AXDND1: variants seen among roughly 807,000 people sequenced by gnomAD.
The protein encoded by AXDND1 is axonemal dynein light chain domain containing 1.
In AXDND1, 110 loss-of-function variants were observed where a neutral mutation model predicts 137.5. The ratio of observed to expected loss-of-function variants is 0.80; its 90% confidence interval spans 0.69 to 0.94. The LOEUF is 0.94. Among genes scored for constraint, AXDND1 ranks in the 40% least tolerant of loss-of-function variants. The pLI is 0.00. For missense variants in AXDND1, 1,191 were observed against 1,169.8 expected (o/e 1.02, Z -0.26); for synonymous variants, 414 against 399.7 (o/e 1.04, Z -0.43).
chr1:179,480,910 T>C (rs1196920730), intron 17 of AXDND1, among the ~76,000 whole-genome samples: 3 of 135,992 alleles, frequency 2.2e-5, no homozygotes, highest in African/African-American at 7.9e-5. Flanking sequence ...CTTTTTTGTT[T>C]GTTTGTTTTT....
chr1:179,445,564 A>G (rs1395638683), intron 16 of AXDND1, among the ~76,000 whole-genome samples: 1 of 152,082 alleles, frequency 6.6e-6, no homozygotes, highest in African/African-American at 2.4e-5. Flanking sequence ...TTCTGTCTCT[A>G]TAGATTTCCC....
intron 21 of AXDND1, among the ~76,000 whole-genome samples, chr1:179,510,659 CA>C (rs1338307405): frequency 6.6e-6 from 1 of 152,062 alleles, no homozygotes; most frequent in African/African-American, 2.4e-5. Context: ...AGGAAAAAAT[CA>C]AGGAACTGTA....
chr1:179,391,451 G>T (rs1650187245), intron 9 of AXDND1, among the ~76,000 whole-genome samples: 1 of 151,820 alleles, frequency 6.6e-6, no homozygotes, highest in African/African-American at 2.4e-5. Flanking sequence ...GAGTCATGAG[G>T]GCCGTTTCCC....
At chr1:179,410,765 A>T (rs1653747596) in intron 11 of AXDND1, among the ~76,000 whole-genome samples, 1 of 152,224 alleles carries the variant, frequency 6.6e-6, no homozygotes, top group Non-Finnish European at 1.5e-5. Context: ...GCAAACTTTG[A>T]CAATAAAACT....
chr1:179,380,989 G>T (rs1648172704), intron 6 of AXDND1, among the ~76,000 whole-genome samples: 3 of 149,066 alleles, frequency 2.0e-5, no homozygotes, highest in Admixed American at 6.6e-5. Context: ...AAATACTTTA[G>T]TGTGTATTTC....
At chr1:179,500,337 ATGTGTG>A (rs57654195) in intron 20 of AXDND1, among the ~76,000 whole-genome samples, 2,209 of 133,838 alleles carry the variant, frequency 0.017, 27 homozygotes, top group African/African-American at 0.043. Context: ...AGGGTACATT[ATGTGTG>A]TGTGTGTGTG....
rs112928091 is a variant in AXDND1, at chr1:179,401,880, A to T, written c.1109+6678A>T. 6.5e-3 allele frequency among the ~76,000 whole-genome samples: 991 copies of T among 152,150 alleles called. 10 individuals are homozygous for T. Among genetic ancestry groups the T allele is most frequent in the African/African-American group, 0.023 (947 of 41,518 alleles). ...TTAAACCTCTTTTCCTTTATAAATTATTCAGTCTCGGGGCCGGGCAAGGTG... is the reference window on the plus strand; with the variant it reads ...TTAAACCTCTTTTCCTTTATAAATTTTTCAGTCTCGGGGCCGGGCAAGGTG... On this transcript the variant is annotated intron_variant, in intron 11 of 25. Transcript: ENST00000367618.
At chr1:179,389,237 T>G (rs891993344) in intron 9 of AXDND1, among the ~76,000 whole-genome samples, 12 of 152,136 alleles carry the variant, frequency 7.9e-5, no homozygotes, top group African/African-American at 1.9e-4. Context: ...CCCCACAAAG[T>G]GCTGGGACTA....
chr1:179,427,387 GAA>G (rs1656737747), intron 12 of AXDND1, among the ~76,000 whole-genome samples: 2 of 151,702 alleles, frequency 1.3e-5, no homozygotes, highest in Non-Finnish European at 2.9e-5. Context: ...TTTTTTGACT[GAA>G]TGGTAATTTT....
At chr1:179,470,297 G>A (rs1663761800) in intron 17 of AXDND1, among the ~76,000 whole-genome samples, 1 of 151,968 alleles carries the variant, frequency 6.6e-6, no homozygotes, top group African/African-American at 2.4e-5. Context: ...GGCTTTTCTG[G>A]GTACCTTGCA....
At chr1:179,401,025 A>G (rs1462555612) in intron 11 of AXDND1, among the ~76,000 whole-genome samples, 1 of 151,728 alleles carries the variant, frequency 6.6e-6, no homozygotes, top group Non-Finnish European at 1.5e-5. Context: ...TTGGGAGGTC[A>G]AAGCGGGTGG....
In AXDND1 at chr1:179,537,747, G is replaced by C. The variant is rs183402137; in HGVS notation, c.3031+2785G>C. Among the ~76,000 whole-genome samples the C allele has an allele frequency of 3.3e-5, 5 of 152,242 alleles. No homozygotes were observed. In the East Asian group the frequency reaches 9.6e-4, roughly 29 times the overall value. ...AGGATTCCCTTTTTTTTATTAATCA[G>C]AATAGTTTCAGAAGGAATGGTACCT... On this transcript the variant is annotated intron_variant, in intron 25 of 25. Transcript: ENST00000367618.
chr1:179,474,426 C>T (rs1664355242), intron 17 of AXDND1, among the ~76,000 whole-genome samples: 1 of 152,258 alleles, frequency 6.6e-6, no homozygotes, highest in Non-Finnish European at 1.5e-5. Flanking sequence ...AAGTTTGGAA[C>T]TTCCTAGAGA....
At chr1:179,464,224 A>ATGG (rs1662797365) in intron 16 of AXDND1, among the ~76,000 whole-genome samples, 1 of 152,246 alleles carries the variant, frequency 6.6e-6, no homozygotes, top group South Asian at 2.1e-4. Context: ...GGTCGTTACA[A>ATGG]TTTGGCATGT....
At chr1:179,380,143 G>C (rs1362990073) in intron 6 of AXDND1, among the ~76,000 whole-genome samples, 2 of 151,964 alleles carry the variant, frequency 1.3e-5, no homozygotes, top group Non-Finnish European at 2.9e-5. Context: ...CAGCTGCTTG[G>C]GAGGCTGAGG....
At chr1:179,366,757 C>A (rs1667452910) in intron 2 of AXDND1, 151 bp downstream of exon 2, 6 of 640,322 alleles carry the variant, frequency 9.4e-6, no homozygotes, top group Non-Finnish European at 1.6e-5. Context: ...AGAAGTCATT[C>A]CTTTTACAGT....
intron 20 of AXDND1, among the ~76,000 whole-genome samples, chr1:179,494,985 C>T (rs1314036459): frequency 6.6e-6 from 1 of 152,086 alleles, no homozygotes; most frequent in Non-Finnish European, 1.5e-5. Flanking sequence ...ATTGAGATGC[C>T]TTTGTATCTT....
intron 16 of AXDND1, among the ~76,000 whole-genome samples, chr1:179,446,511 A>G (rs1231053249): frequency 6.6e-6 from 1 of 152,234 alleles, no homozygotes; most frequent in Middle Eastern, 3.2e-3. Flanking sequence ...CACTGTGTCT[A>G]CAGAGATACC....
intron 20 of AXDND1, among the ~76,000 whole-genome samples, chr1:179,508,195 G>A (rs1422934175): frequency 6.6e-6 from 1 of 152,060 alleles, no homozygotes; most frequent in Non-Finnish European, 1.5e-5. Flanking sequence ...AATTAGCCAG[G>A]TATGGTGGTG....
Sources: gnomAD v4.1 joint callset for allele counts (sites outside exome capture counted in the v4.1 genomes callset) on GRCh38, gnomAD v4.1.1 for gene constraint, MANE v1.5 for transcripts, NCBI Gene and HGNC (gene_info 2026-07-23, HGNC 2026-07-21) for gene names.